CPM: variants seen among roughly 807,000 people sequenced by gnomAD.
CPM encodes the protein carboxypeptidase M.
CPM carries 35 observed loss-of-function variants against 46.4 expected under a neutral mutation model. The ratio of observed to expected loss-of-function variants is 0.75; its 90% CI spans 0.58 to 1.00. The LOEUF is 1.00. Among genes scored for constraint, CPM ranks in the 50% least tolerant of loss-of-function variants. CPM has a pLI of 0.00. For synonymous variants in CPM, 195 were observed against 195.3 expected, an observed-to-expected ratio of 1.00 and a Z score of 0.01; for missense variants, 422 against 530.4, an observed-to-expected ratio of 0.80 and a Z score of 2.01.
rs1230893187 is a variant in CPM at position 68,931,744 on chromosome 12, CAAA to C, written c.160+931_160+933del. 4.7e-4 allele frequency among the ~76,000 whole-genome samples: 17 copies of C among 36,198 alleles called. No individual in the cohort carries two copies. In the South Asian group the frequency reaches 0.015, roughly 31 times the overall value. 23.7% of individuals were successfully genotyped at this position (36,198 alleles called of 152,430 possible). On this transcript the variant is annotated intron_variant, in intron 2 of 8. Transcript: ENST00000551568. ...CTGGGCAACAGAGCGAGACTCTGACCAAAAAAAAAAAAAAAAAAAAAAGAAAGA... is the reference window on the plus strand; with the variant it reads ...CTGGGCAACAGAGCGAGACTCTGACCAAAAAAAAAAAAAAAAAAAGAAAGA...
At chr12:68,891,734 T>C (rs553715580) in intron 2 of CPM, among the ~76,000 whole-genome samples, 3 of 152,122 alleles carry the variant, frequency 2.0e-5, no homozygotes, top group African/African-American at 4.8e-5. Flanking sequence ...TTTGTTTTTT[T>C]GGGTTTTTTT....
At chr12:68,891,455 C>T (rs532780445) in intron 2 of CPM, among the ~76,000 whole-genome samples, 19 of 152,328 alleles carry the variant, frequency 1.2e-4, no homozygotes, top group African/African-American at 4.1e-4. Context: ...ACTAGCTATG[C>T]TTGCATTTTA....
chr12:68,867,236 C>T (rs544295873), intron 6 of CPM, among the ~76,000 whole-genome samples, 188 bp from the exon 7 acceptor site: 10 of 152,260 alleles, frequency 6.6e-5, no homozygotes, highest in African/African-American at 2.2e-4. Flanking sequence ...CCTAAATATT[C>T]CCATATGGGT....
chr12:68,935,212 CTT>C (rs79513686), upstream of CPM, among the ~76,000 whole-genome samples: 2 of 145,282 alleles, frequency 1.4e-5, no homozygotes, highest in East Asian at 4.1e-4. Flanking sequence ...GCCTGGCCAT[CTT>C]TTTTTTTTTC....
chr12:68,885,745 G>C, intron 3 of CPM, 47 bp downstream of exon 3: 1 of 1,466,864 alleles, frequency 6.8e-7, no homozygotes, highest in African/African-American at 1.4e-5. Context: ...GAGACCCTAG[G>C]GGAAGCTTCT....
intron 2 of CPM, among the ~76,000 whole-genome samples, chr12:68,897,803 T>C (rs555133211): frequency 6.6e-6 from 1 of 151,408 alleles, no homozygotes; most frequent in East Asian, 1.9e-4. Context: ...CCATTTGAGG[T>C]TTCTTTTTTT....
At chr12:68,865,557 C>T (rs531262834) in intron 7 of CPM, among the ~76,000 whole-genome samples, 10 of 152,170 alleles carry the variant, frequency 6.6e-5, no homozygotes, top group Admixed American at 5.2e-4. Flanking sequence ...CAGAAAATTC[C>T]GGGAATTATG....
At chr12:68,915,490 T>C (rs1887767021) in intron 2 of CPM, among the ~76,000 whole-genome samples, 1 of 152,238 alleles carries the variant, frequency 6.6e-6, no homozygotes, top group African/African-American at 2.4e-5. Flanking sequence ...TCCATCTCTC[T>C]GCCTGGTAAT....
At chr12:68,912,629 GT>G (rs1022751476) in intron 2 of CPM, among the ~76,000 whole-genome samples, 9 of 152,142 alleles carry the variant, frequency 5.9e-5, no homozygotes, top group African/African-American at 1.9e-4. Flanking sequence ...AGCCCACTGA[GT>G]TTTGGAACTC....
At chr12:68,933,060 C>A in intron 1 of CPM, 82 bp downstream of exon 1, 1 of 469,786 alleles carries the variant, frequency 2.1e-6, no homozygotes. Context: ...CCGCCCGCGC[C>A]TCCCTCTCCT....
At chr12:68,923,190 T>C (rs944273756) in intron 2 of CPM, among the ~76,000 whole-genome samples, 47 of 139,202 alleles carry the variant, frequency 3.4e-4, no homozygotes, top group African/African-American at 1.1e-3. Context: ...TGTGTGTGTG[T>C]GTGTGTGTGT....
chr12:68,868,737 C>T (rs182876821), intron 6 of CPM, among the ~76,000 whole-genome samples: 7 of 152,160 alleles, frequency 4.6e-5, no homozygotes, highest in Non-Finnish European at 8.8e-5. Context: ...TTGTTGAGCC[C>T]GCAAAATGGC....
At chr12:68,946,408 T>C (rs1173605549) in intron 1 of CPM, among the ~76,000 whole-genome samples, 2 of 152,226 alleles carry the variant, frequency 1.3e-5, no homozygotes, top group Non-Finnish European at 2.9e-5. Flanking sequence ...AATCTCAGAT[T>C]AGACCTTTTA....
intron 3 of CPM, among the ~76,000 whole-genome samples, chr12:68,882,601 C>T (rs1167997454): frequency 6.6e-6 from 1 of 152,148 alleles, no homozygotes. Context: ...TGGGTTGAAT[C>T]GTAGTTCTGT....
At chr12:68,867,803 C>T (rs1446500284) in intron 6 of CPM, among the ~76,000 whole-genome samples, 3 of 152,216 alleles carry the variant, frequency 2.0e-5, no homozygotes, top group Non-Finnish European at 4.4e-5. Flanking sequence ...GCTGACTTTC[C>T]AGTTCTCTCC....
At chr12:68,900,339 C>T (rs1323776406) in intron 2 of CPM, among the ~76,000 whole-genome samples, 3 of 152,148 alleles carry the variant, frequency 2.0e-5, no homozygotes, top group Admixed American at 1.3e-4. Context: ...AATGAGATAT[C>T]AATGCATTCC....
chr12:68,941,349 C>T (rs1362146076), intron 1 of CPM, among the ~76,000 whole-genome samples: 1 of 152,050 alleles, frequency 6.6e-6, no homozygotes, highest in African/African-American at 2.4e-5. Flanking sequence ...TAAGGTAAAA[C>T]TTATTTTACA....
intron 1 of CPM, among the ~76,000 whole-genome samples, chr12:68,944,842 G>A (rs1187813818): frequency 1.3e-5 from 2 of 151,988 alleles, no homozygotes; most frequent in African/African-American, 4.8e-5. Context: ...TTTGGTGGGC[G>A]GGGACTAGGT....
At chr12:68,894,860 C>A (rs1886802855) in intron 2 of CPM, among the ~76,000 whole-genome samples, 1 of 151,866 alleles carries the variant, frequency 6.6e-6, no homozygotes, top group Admixed American at 6.6e-5. Context: ...CACAGTGAAA[C>A]TGTCACCACT....
Sources: gnomAD v4.1 joint callset for allele counts (sites outside exome capture counted in the v4.1 genomes callset) on GRCh38, gnomAD v4.1.1 for gene constraint, MANE v1.5 for transcripts, NCBI Gene and HGNC (gene_info 2026-07-23, HGNC 2026-07-21) for gene names.